The following RPS6KA3 variants were observed in gnomAD, a reference collection of about 807,000 sequenced individuals.
RPS6KA3 encodes the protein ribosomal protein S6 kinase A3, also known as ribosomal protein S6 kinase alpha-3.
RPS6KA3 carries 4 observed loss-of-function variants against 67.2 expected under a neutral mutation model. That is an observed-to-expected ratio of 0.06 (90% CI 0.03 to 0.14). The LOEUF is 0.14. RPS6KA3 is among the 10% of genes least tolerant of loss of function. RPS6KA3 has a pLI of 1.00. For missense variants in RPS6KA3, 204 were observed against 559.0 expected (o/e 0.36, Z 6.40); for synonymous variants, 182 against 183.7 (o/e 0.99, Z 0.07).
intron 1 of RPS6KA3, among the ~76,000 whole-genome samples, chrX:20,256,993 A>G (rs899733770): frequency 3.6e-5 from 4 of 112,415 alleles, no homozygotes; most frequent in African/African-American, 1.3e-4. Flanking sequence ...AGGGCTGTGT[A>G]GTGAAAAGTC....
chrX:20,231,001 C>T (rs934065760), intron 2 of RPS6KA3, among the ~76,000 whole-genome samples: 2 of 110,419 alleles, frequency 1.8e-5, no homozygotes, highest in Admixed American at 1.9e-4. Context: ...ACTCTGTTGC[C>T]CAGGCTGGAG....
At chrX:20,264,169 T>C (rs939384405) in intron 1 of RPS6KA3, among the ~76,000 whole-genome samples, 3 of 112,257 alleles carry the variant, frequency 2.7e-5, no homozygotes, top group Admixed American at 1.9e-4. Context: ...CTAAAGGCAA[T>C]TTGTTAGAAT....
chrX:20,164,506 C>T (rs1185620902), intron 18 of RPS6KA3, among the ~76,000 whole-genome samples: 1 of 108,067 alleles, frequency 9.3e-6, no homozygotes, highest in African/African-American at 3.4e-5. Flanking sequence ...CCTACCTCAG[C>T]CTCCTGAGTA....
intron 7 of RPS6KA3, among the ~76,000 whole-genome samples, chrX:20,190,492 T>C (rs888311153): frequency 3.6e-5 from 4 of 112,231 alleles, no homozygotes; most frequent in Non-Finnish European, 7.5e-5. Flanking sequence ...ACAGGGCTCA[T>C]ACTTTAATGT....
chrX:20,201,844 T>C (rs776033477), intron 4 of RPS6KA3, among the ~76,000 whole-genome samples: 4 of 111,300 alleles, frequency 3.6e-5, no homozygotes, highest in Non-Finnish European at 7.5e-5. Flanking sequence ...ACAATTTTTG[T>C]ATTACTAATT....
intron 11 of RPS6KA3, 53 bp downstream of exon 11, chrX:20,176,942 TA>T: frequency 1.1e-6 from 1 of 920,798 alleles, no homozygotes; most frequent in Non-Finnish European, 1.6e-6. Flanking sequence ...TACTCCCCGC[TA>T]AAAACAAACA....
At chrX:20,234,274 C>A (rs1298652969) in intron 2 of RPS6KA3, among the ~76,000 whole-genome samples, 1 of 111,911 alleles carries the variant, frequency 8.9e-6, no homozygotes, top group African/African-American at 3.3e-5. Flanking sequence ...TGAGACCAGC[C>A]TGGCCAACTT....
intron 1 of RPS6KA3, among the ~76,000 whole-genome samples, chrX:20,243,870 C>T (rs1385402956): frequency 9.0e-6 from 1 of 111,386 alleles, no homozygotes; most frequent in Non-Finnish European, 1.9e-5. Context: ...TTATTTCCTT[C>T]TCTGTATTTT....
intron 1 of RPS6KA3, among the ~76,000 whole-genome samples, chrX:20,263,711 GA>G (rs1264307512): frequency 2.3e-4 from 26 of 111,945 alleles, no homozygotes; most frequent in Admixed American, 2.3e-3. Flanking sequence ...ATAAAAAACA[GA>G]TAAGATTCAT....
intron 3 of RPS6KA3, among the ~76,000 whole-genome samples, chrX:20,208,875 T>C (rs2148731257): frequency 9.0e-6 from 1 of 111,672 alleles, no homozygotes; most frequent in Admixed American, 9.5e-5. Flanking sequence ...CCAACCCTAC[T>C]TCTTTGGGAG....
At chrX:20,229,070 A>G (rs895929854) in intron 2 of RPS6KA3, among the ~76,000 whole-genome samples, 7 of 111,410 alleles carry the variant, frequency 6.3e-5, no homozygotes, top group Non-Finnish European at 1.1e-4. Context: ...CTAAGCTACT[A>G]TAAGAAAAAG....
At chrX:20,169,646 T>G in intron 15 of RPS6KA3, 155 bp from the exon 16 acceptor site, 1 of 528,454 alleles carries the variant, frequency 1.9e-6, no homozygotes, top group South Asian at 2.4e-5. Flanking sequence ...CCAGATTGTT[T>G]AATCAGAAAG....
intron 2 of RPS6KA3, among the ~76,000 whole-genome samples, chrX:20,219,924 A>T (rs1479295487): frequency 8.9e-6 from 1 of 111,987 alleles, no homozygotes; most frequent in African/African-American, 3.2e-5. Context: ...CACAGCCTGT[A>T]AGAATTTAAT....
chrX:20,266,506 G>C lies in RPS6KA3; in HGVS notation c.69+58C>G, dbSNP rs183767362. On this transcript the variant is annotated intron_variant, in intron 1 of 21. Transcript: ENST00000379565. ...AGTGGCCAGCTCCGGGGAGCGAAGC[G>C]AGCCGGCGGGGGCGCGAGGAGGAGA... 1.4e-5 allele frequency: 14 copies of C among 985,963 alleles called. No homozygotes were observed. The South Asian group carries it at 2.2e-4, about 16-fold the overall frequency. The allele number at this position is 985,963 out of a possible 1,213,427, so 81.3% of individuals were successfully genotyped here. A position where few individuals can be genotyped will look rare whatever the true frequency, so the allele number is the denominator to read the frequency against.
intron 2 of RPS6KA3, among the ~76,000 whole-genome samples, chrX:20,219,723 C>T (rs2068944142): frequency 1.8e-5 from 2 of 111,614 alleles, no homozygotes; most frequent in Admixed American, 9.5e-5. Context: ...TCCTCTAATA[C>T]GTTATAGAAG....
chrX:20,260,265 T>C (rs188984687), intron 1 of RPS6KA3, among the ~76,000 whole-genome samples: 16 of 111,869 alleles, frequency 1.4e-4, no homozygotes, highest in South Asian at 3.7e-4. Context: ...ACATACAGAA[T>C]ACACTATATT....
chrX:20,224,529 TTG>T (rs1388348188), intron 2 of RPS6KA3, among the ~76,000 whole-genome samples: 1 of 111,892 alleles, frequency 8.9e-6, no homozygotes, highest in Non-Finnish European at 1.9e-5. Context: ...GGATACTTTT[TTG>T]TGTGTGGATC....
intron 1 of RPS6KA3, among the ~76,000 whole-genome samples, chrX:20,256,200 G>GA (rs1324355948): frequency 4.6e-4 from 26 of 56,180 alleles, no homozygotes; most frequent in African/African-American, 9.6e-4. Context: ...AAAAAAAAAA[G>GA]AAAAAAAAAA....
Position 20,154,034 on chromosome X carries a change from G to T in RPS6KA3, c.*1364C>A, listed in dbSNP as rs2067146351. 8.9e-6 allele frequency: 1 copy of T among 112,221 alleles called. No homozygotes were observed. Among genetic ancestry groups the T allele is most frequent in the Non-Finnish European group, 1.9e-5 (1 of 53,279 alleles). The allele number at this position is 112,221 out of a possible 1,213,427, so 9.2% of individuals were successfully genotyped here. A position where few individuals can be genotyped will look rare whatever the true frequency, so the allele number is the denominator to read the frequency against. ...GCTTGGCAAAGACACAGGTAATAATGGGGACTGAAGTTTCTTTCATCAAAT... is the reference window on the plus strand; with the variant it reads ...GCTTGGCAAAGACACAGGTAATAATTGGGACTGAAGTTTCTTTCATCAAAT... On this transcript the variant is annotated 3_prime_UTR_variant, in exon 22 of 22. Transcript: ENST00000379565.
Sources: allele counts gnomAD v4.1 joint callset (sites outside exome capture counted in the v4.1 genomes callset), GRCh38; gene constraint gnomAD v4.1.1; transcripts MANE v1.5; gene names NCBI Gene and HGNC (gene_info 2026-07-23, HGNC 2026-07-21).